RMDN2: variants seen among roughly 807,000 people sequenced by gnomAD.
RMDN2 encodes regulator of microtubule dynamics 2, also known as regulator of microtubule dynamics protein 2.
RMDN2 carries 61 observed loss-of-function variants against 52.8 expected under a neutral mutation model. That is an observed-to-expected ratio of 1.16 (90% CI 0.94 to 1.43). The LOEUF is 1.43. Ranked by LOEUF, RMDN2 falls within the 40% of genes most tolerant of loss-of-function variation. RMDN2 has a pLI of 0.00. For synonymous variants in RMDN2, 180 were observed against 153.1 expected, an observed-to-expected ratio of 1.18 and a Z score of -1.30; for missense variants, 592 against 475.3, an observed-to-expected ratio of 1.25 and a Z score of -2.28.
intron 8 of RMDN2, among the ~76,000 whole-genome samples, chr2:38,003,577 T>C (rs1676624602): frequency 6.6e-6 from 1 of 151,438 alleles, no homozygotes; most frequent in South Asian, 2.1e-4. Flanking sequence ...GATAGATAGA[T>C]AGATAGATAG....
intron 2 of RMDN2, among the ~76,000 whole-genome samples, chr2:37,947,501 A>T (rs769844543): frequency 9.9e-5 from 15 of 152,224 alleles, no homozygotes; most frequent in Non-Finnish European, 2.1e-4. Context: ...CAGCTGTGTC[A>T]TCTGAGTAAC....
chr2:37,931,680 G>T (rs1363136220), intron 2 of RMDN2, among the ~76,000 whole-genome samples: 1 of 152,236 alleles, frequency 6.6e-6, no homozygotes, highest in African/African-American at 2.4e-5. Flanking sequence ...GTAAAAAGAA[G>T]ATAATTATGG....
chr2:37,936,262 T>G (rs1475354160), intron 2 of RMDN2, among the ~76,000 whole-genome samples: 6 of 152,268 alleles, frequency 3.9e-5, no homozygotes, highest in Non-Finnish European at 8.8e-5. Flanking sequence ...TATTCCATAG[T>G]GTGTATGTGA....
chr2:37,979,827 C>G (rs1673070188), intron 4 of RMDN2, among the ~76,000 whole-genome samples: 2 of 151,992 alleles, frequency 1.3e-5, no homozygotes, highest in Admixed American at 1.3e-4. Context: ...AAGTTTTATT[C>G]ATTTGGTAAT....
At chr2:38,019,214 T>C (rs1331681843), downstream of RMDN2, among the ~76,000 whole-genome samples, 1 of 152,206 alleles carries the variant, frequency 6.6e-6, no homozygotes, top group Non-Finnish European at 1.5e-5. Context: ...AAGTATGTTG[T>C]AGGTTTTGTG....
intron 10 of RMDN2, among the ~76,000 whole-genome samples, chr2:38,065,345 G>A (rs1470371207): frequency 6.6e-6 from 1 of 150,778 alleles, no homozygotes; most frequent in Non-Finnish European, 1.5e-5. Flanking sequence ...GAGAGAGAGA[G>A]AAACAAATGT....
At chr2:38,064,674 C>T (rs576195876) in intron 10 of RMDN2, among the ~76,000 whole-genome samples, 1 of 152,082 alleles carries the variant, frequency 6.6e-6, no homozygotes, top group African/African-American at 2.4e-5. Flanking sequence ...GACTTAGTCC[C>T]TGCTTTTCAA....
chr2:38,043,088 T>A (rs771503539), intron 10 of RMDN2, among the ~76,000 whole-genome samples: 11 of 152,230 alleles, frequency 7.2e-5, no homozygotes, highest in Admixed American at 6.5e-4. Flanking sequence ...GTTGAAAAGA[T>A]GTTGAACTAT....
At chr2:38,027,022 CTTG>C (rs2125267533) in intron 10 of RMDN2, 1 of 152,208 alleles carries the variant, frequency 6.6e-6, no homozygotes, top group African/African-American at 2.4e-5. Context: ...TCTGTTCAAA[CTTG>C]TTGAGACTTG....
chr2:38,057,326 G>A (rs570278020), intron 10 of RMDN2, among the ~76,000 whole-genome samples: 1 of 152,324 alleles, frequency 6.6e-6, no homozygotes, highest in East Asian at 1.9e-4. Flanking sequence ...AATGAGCATG[G>A]CTGTGCTCCA....
intron 2 of RMDN2, among the ~76,000 whole-genome samples, chr2:37,957,521 T>A (rs1400253773): frequency 6.6e-6 from 1 of 152,216 alleles, no homozygotes. Flanking sequence ...TTTATTTAAG[T>A]TCCTTGTAGA....
chr2:37,998,476 T>G (rs1001144654), intron 8 of RMDN2: 1 of 152,200 alleles, frequency 6.6e-6, no homozygotes, highest in Non-Finnish European at 1.5e-5. Context: ...CAGTGAGCCA[T>G]GATCACACCA....
intron 8 of RMDN2, among the ~76,000 whole-genome samples, chr2:38,002,525 TCA>T (rs1676459107): frequency 1.3e-5 from 2 of 152,240 alleles, no homozygotes; most frequent in Admixed American, 1.3e-4. Context: ...GCACATTTAT[TCA>T]GTTTTATGTA....
intron 5 of RMDN2, among the ~76,000 whole-genome samples, chr2:37,988,292 G>T (rs1252570694): frequency 1.3e-5 from 2 of 152,172 alleles, no homozygotes; most frequent in African/African-American, 4.8e-5. Flanking sequence ...TCTCTGGAAA[G>T]ATTTATTGTG....
At position 37,974,061 on chromosome 2, in the gene RMDN2, CACAGAAGA is replaced by C; in HGVS notation, c.480_487del (p.Glu161PhefsTer5). On this transcript the variant is annotated frameshift_variant, in exon 3 of 11. Transcript: ENST00000354545. LOFTEE classifies it high-confidence loss of function. ...TTAGGTATATTACAGCTAATACTGA[CACAGAAGA>C]ACAGAGTTTTCCAGTCCCTAAGGCA... 1 of 1,609,972 alleles carries C rather than the reference CACAGAAGA, an allele frequency of 6.2e-7. No homozygotes were observed. Among genetic ancestry groups the C allele is most frequent in the East Asian group, 2.2e-5 (1 of 44,590 alleles).
chr2:37,977,414 G>C (rs576062437), intron 4 of RMDN2, among the ~76,000 whole-genome samples: 1 of 151,840 alleles, frequency 6.6e-6, no homozygotes, highest in Non-Finnish European at 1.5e-5. Flanking sequence ...CAGACGGGTC[G>C]GCCGGGCAGA....
chr2:37,924,227 G>C (rs114989433), upstream of RMDN2, among the ~76,000 whole-genome samples: 1,635 of 152,286 alleles, frequency 0.011, 45 homozygotes, highest in African/African-American at 0.037. Flanking sequence ...TATGGGTGTT[G>C]TCTGCTGTTG....
chr2:37,970,717 G>GA (rs1386766436), intron 2 of RMDN2, among the ~76,000 whole-genome samples: 4 of 152,096 alleles, frequency 2.6e-5, no homozygotes, highest in African/African-American at 9.7e-5. Flanking sequence ...ACATAATTCT[G>GA]ATGTAATTCA....
At chr2:37,968,209 G>A (rs900619744) in intron 2 of RMDN2, among the ~76,000 whole-genome samples, 3 of 152,036 alleles carry the variant, frequency 2.0e-5, no homozygotes, top group Non-Finnish European at 4.4e-5. Context: ...GGGAGGACGA[G>A]GTGGGCAGAT....
Sources: gnomAD v4.1 joint callset for allele counts (sites outside exome capture counted in the v4.1 genomes callset) on GRCh38, gnomAD v4.1.1 for gene constraint, MANE v1.5 for transcripts, NCBI Gene and HGNC (gene_info 2026-07-23, HGNC 2026-07-21) for gene names.